LARGE2: variants seen among roughly 807,000 people sequenced by gnomAD.
The protein encoded by LARGE2 is xylosyl- and glucuronyltransferase LARGE2.
LARGE2 carries 63 observed loss-of-function variants against 75.3 expected under a neutral mutation model. The ratio of observed to expected loss-of-function variants is 0.84; its 90% confidence interval spans 0.68 to 1.03. LARGE2 has a LOEUF of 1.03. LARGE2 is among the 50% of genes least tolerant of loss of function. LARGE2 has a pLI of 0.00. For missense variants in LARGE2, 925 were observed against 980.6 expected, an observed-to-expected ratio of 0.94 and a Z score of 0.76; for synonymous variants, 428 against 420.1, an observed-to-expected ratio of 1.02 and a Z score of -0.23.
At position 45,928,201 on chromosome 11, in the gene LARGE2, C is replaced by T. The variant is rs199608629; in HGVS notation, c.1779C>T (p.His593=). The T allele has an allele frequency of 1.9e-4, 299 of 1,613,702 alleles. No individual in the cohort carries two copies. The highest frequency in any genetic ancestry group is 2.0e-4 in the Non-Finnish European group (235 of 1,180,020). ...GGTACCACGAGTGGCCCCGAGGCCA[C>T]GCACCCACAGACTATGCCCGCTGGC... is the stretch of plus-strand genomic sequence containing the variant. ...TFRYHEWPRG[H]APTDYARWRE... is the part of the protein sequence containing the mutation. The change falls in exon 13 of 14, where the codon CAC becomes CAT. Residue 593 remains histidine, a synonymous_variant. Coordinates refer to ENST00000401752, the MANE Select transcript of LARGE2 (RefSeq NM_001300721.2).
chr11:45,926,869 C>T lies in LARGE2; in HGVS notation c.1323C>T (p.Asp441=). 1 of 1,609,206 alleles carries T rather than the reference C, an allele frequency of 6.2e-7. No individual in the cohort carries two copies. The highest frequency in any genetic ancestry group is 8.5e-7 in the Non-Finnish European group (1 of 1,178,560). ...CCCTTGTGGCCCAGCTGTCCATGGA[C>T]CGGTGAGGGTGCAGAGGGCAGCCCA... The part of the protein sequence containing the change: ...DVTLVAQLSM[D]RLQMLEALCR... The change falls in exon 10 of 14, where the codon GAC becomes GAT. Residue 441 remains aspartate (D), a splice_region_variant and synonymous_variant. Coordinates refer to ENST00000401752, the MANE Select transcript of LARGE2 (RefSeq NM_001300721.2).
In LARGE2 at chr11:45,927,390, A is replaced by G. The variant is rs755082386; in HGVS notation, c.1401A>G (p.Glu467=). The change falls in exon 11 of 14, where the codon GAA becomes GAG. Residue 467 remains glutamate (E), a synonymous_variant. Transcript: ENST00000401752. ...TGGCCTTGTACCTGACAGACGCAGA[A>G]GCTCAGCAGTTCCTGCATTTCGTCG... ...MSLALYLTDA[E]AQQFLHFVEA... 1 of 1,614,112 alleles carries G rather than the reference A, an allele frequency of 6.2e-7. No homozygotes were observed. The highest frequency in any genetic ancestry group is 1.1e-5 in the South Asian group (1 of 91,090).
intron 2 of LARGE2, 22 bp downstream of exon 2, chr11:45,923,189 G>A (rs985274504): frequency 9.1e-6 from 12 of 1,325,510 alleles, no homozygotes; most frequent in Non-Finnish European, 1.1e-5. Context: ...CGGCCCTGGC[G>A]GCGGGAGTCC....
chr11:45,926,189 G>T, intron 7 of LARGE2, 33 bp from the exon 8 acceptor site: 1 of 1,611,244 alleles, frequency 6.2e-7, no homozygotes. Flanking sequence ...GTGGCAGGCT[G>T]GGGGCTGGGA....
At position 45,926,291 on chromosome 11, in the gene LARGE2, C is replaced by G; in HGVS notation, c.952C>G (p.Gln318Glu). Residue 318 changes from glutamine to glutamate, a missense_variant, in exon 8 of 14, where the codon CAG (glutamine) becomes GAG (glutamate). Coordinates refer to ENST00000401752, the MANE Select transcript of LARGE2 (RefSeq NM_001300721.2). The part of the protein sequence containing the change: ...VQRLPCVWNV[Q>E]LSDHTLAERC... ...GCGTCTGCCTTGTGTCTGGAATGTG[C>G]AGCTGTCAGATCACACACTGGCCGA... 1 of 1,614,202 alleles carries G rather than the reference C, an allele frequency of 6.2e-7. No individual in the cohort carries two copies. Among genetic ancestry groups the G allele is most frequent in the Non-Finnish European group, 8.5e-7 (1 of 1,180,042 alleles).
At chr11:45,922,202 A>T (rs1288091711), upstream of LARGE2, among the ~76,000 whole-genome samples, 1 of 152,044 alleles carries the variant, frequency 6.6e-6, no homozygotes, top group Non-Finnish European at 1.5e-5. Flanking sequence ...CGAAGGCTTC[A>T]GGTGCTCCGC....
intron 13 of LARGE2, 89 bp from the exon 14 acceptor site, chr11:45,928,541 G>A: frequency 1.3e-6 from 2 of 1,551,054 alleles, no homozygotes; most frequent in Non-Finnish European, 1.7e-6. Context: ...GCTCTCAGGG[G>A]CTACAGGGTA....
intron 3 of LARGE2, among the ~76,000 whole-genome samples, chr11:45,923,854 C>A (rs1455007629): frequency 6.6e-6 from 1 of 150,436 alleles, no homozygotes; most frequent in African/African-American, 2.4e-5. Context: ...GGCGTAGTGG[C>A]GGGCGCCTGT....
chr11:45,928,393 C>T lies in LARGE2; in HGVS notation c.1950+21C>T, dbSNP rs767734151. 4 of 1,608,616 alleles carry T rather than the reference C, an allele frequency of 2.5e-6. No individual in the cohort carries two copies. The South Asian group carries it at 3.3e-5, about 13-fold the overall frequency. ...CCCAGGTGAGGAGGGCACCTTGCTG[C>T]CTCCACCTTTGACTCGAGCACCTCC... On this transcript the variant is annotated intron_variant, in intron 13 of 13. Coordinates refer to ENST00000401752, the MANE Select transcript of LARGE2 (RefSeq NM_001300721.2).
In LARGE2 at chr11:45,923,510, C is replaced by G; in HGVS notation, c.323C>G (p.Ser108Cys). The change falls in exon 3 of 14, where the codon TCC (serine) becomes TGC (cysteine). Residue 108 changes from serine to cysteine, a missense_variant. By Grantham distance (112) the Ser-to-Cys change is moderately radical. Coordinates refer to ENST00000401752, the MANE Select transcript of LARGE2 (RefSeq NM_001300721.2). The part of the protein sequence containing the change: ...HVAIVCAGHN[S>C]SRDVITLVKS... Reference sequence around the variant, plus strand: ...GCCATCGTGTGTGCGGGGCATAACTCCAGCCGAGACGTCATCACCCTGGTG... The same window carrying G: ...GCCATCGTGTGTGCGGGGCATAACTGCAGCCGAGACGTCATCACCCTGGTG... The G allele has an allele frequency of 1.2e-6, 2 of 1,613,978 alleles. No homozygotes were observed. Among genetic ancestry groups the G allele is most frequent in the South Asian group, 2.2e-5 (2 of 91,078 alleles).
rs757357535 is a variant in LARGE2 at position 45,927,506 on chromosome 11, A to G, written c.1517A>G (p.Asn506Ser). The part of the protein sequence containing the change: ...GPLYPVNQLR[N>S]VALAQALTPY... ...CTATACCCCGTCAACCAGCTTCGCA[A>G]CGTGGCCTTGGCCCAGGCCCTCACG... Residue 506 changes from asparagine (N) to serine (S), a missense_variant, in exon 11 of 14, where the codon AAC (asparagine) becomes AGC (serine). By Grantham distance (46) the Asn-to-Ser change is conservative. Coordinates refer to ENST00000401752, the MANE Select transcript of LARGE2 (RefSeq NM_001300721.2). The G allele has an allele frequency of 2.5e-6, 4 of 1,614,234 alleles. No homozygotes were observed. The Admixed American group carries it at 6.7e-5, about 27-fold the overall frequency.
At position 45,928,042 on chromosome 11, in the gene LARGE2, T is replaced by C; in HGVS notation, c.1727T>C (p.Leu576Pro). 2 of 1,613,970 alleles carry C rather than the reference T, an allele frequency of 1.2e-6. No homozygotes were observed. The highest frequency in any genetic ancestry group is 1.7e-6 in the Non-Finnish European group (2 of 1,180,024). ...TCCAAGGTGGAGCTGTTGGCCTTGC[T>C]GGATGCGGGCACTCTCTACACCTTC... ...PHSKVELLAL[L>P]DAGTLYTFRY... Residue 576 changes from leucine to proline, a missense_variant, in exon 12 of 14, where the codon CTG (leucine) becomes CCG (proline). This residue lies in a region of LARGE2 where 469 missense variants were observed against 503.8 expected (regional missense o/e 0.93). Transcript: ENST00000401752.
chr11:45,926,504 C>A lies in LARGE2; in HGVS notation c.1071C>A (p.Arg357=). 1 of 1,614,134 alleles carries A rather than the reference C, an allele frequency of 6.2e-7. No individual in the cohort carries two copies. The part of the protein sequence containing the change: ...RVKNKHVEFF[R]NFYLTFLEYD... ...AGAACAAGCATGTGGAATTCTTCCGCAATTTCTACCTGACCTTCCTGGAGT... is the reference window on the plus strand; with the variant it reads ...AGAACAAGCATGTGGAATTCTTCCGAAATTTCTACCTGACCTTCCTGGAGT... Residue 357 remains arginine, a synonymous_variant, in exon 9 of 14, where the codon CGC becomes CGA. Coordinates refer to ENST00000401752, the MANE Select transcript of LARGE2 (RefSeq NM_001300721.2).
Position 45,924,205 on chromosome 11 carries a change from C to G in LARGE2, c.420C>G (p.Ile140Met). 6.2e-7 allele frequency: 1 copy of G among 1,613,442 alleles called. No homozygotes were observed. Among genetic ancestry groups the G allele is most frequent in the Non-Finnish European group, 8.5e-7 (1 of 1,180,006 alleles). The part of the protein sequence containing the change: ...HLVTDAVARN[I>M]LETLFHTWMV... ...TGACTGACGCCGTGGCCAGAAACAT[C>G]CTGGAGACGCTCTTCCACACATGGA... Residue 140 changes from isoleucine to methionine, a missense_variant, in exon 4 of 14, where the codon ATC becomes ATG. Ile to Met is a conservative substitution (Grantham distance 10, BLOSUM62 1). This residue lies in a region of LARGE2 where 453 missense variants were observed against 460.2 expected (regional missense o/e 0.98). Coordinates refer to ENST00000401752, the MANE Select transcript of LARGE2 (RefSeq NM_001300721.2).
Position 45,926,300 on chromosome 11 carries a change from G to C in LARGE2, c.961G>C (p.Asp321His), listed in dbSNP as rs772507195. Residue 321 changes from aspartate to histidine, a missense_variant, in exon 8 of 14, where the codon GAT (aspartate) becomes CAT (histidine). Physicochemically the swap from Asp to His is moderately conservative, Grantham distance 81. Coordinates refer to ENST00000401752, the MANE Select transcript of LARGE2 (RefSeq NM_001300721.2). ...TTGTGTCTGGAATGTGCAGCTGTCA[G>C]ATCACACACTGGCCGAGCGCTGCTA... Reference protein sequence around the residue: ...LPCVWNVQLSDHTLAERCYSE... With the variant: ...LPCVWNVQLSHHTLAERCYSE... 2.8e-5 allele frequency: 46 copies of C among 1,614,200 alleles called. No individual in the cohort carries two copies. The highest frequency in any genetic ancestry group is 1.2e-4 in the Admixed American group (7 of 60,026).
chr11:45,926,023 A>C lies in LARGE2; in HGVS notation c.770-16A>C. On this transcript the variant is annotated splice_polypyrimidine_tract_variant and intron_variant, in intron 6 of 13. Transcript: ENST00000401752. ...GGTCGTCCCAGGTGGGCATGACAGC[A>C]TCTCTTCATTGGCAGGTGTGATCCT... is the stretch of plus-strand genomic sequence containing the variant. 1.3e-6 allele frequency: 2 copies of C among 1,547,552 alleles called. No individual in the cohort carries two copies. The highest frequency in any genetic ancestry group is 1.7e-6 in the Non-Finnish European group (2 of 1,143,188).
At chr11:45,927,893 C>G (rs1418489556) in intron 11 of LARGE2, 27 bp from the exon 12 acceptor site, 1 of 1,611,034 alleles carries the variant, frequency 6.2e-7, no homozygotes, top group African/African-American at 1.3e-5. Context: ...CCGCTCTTCT[C>G]CCCTGCTCAT....
Position 45,924,786 on chromosome 11 carries a change from C to T in LARGE2, c.666C>T (p.Asp222=). 6.7e-7 allele frequency: 1 copy of T among 1,503,484 alleles called. No homozygotes were observed. Among genetic ancestry groups the T allele is most frequent in the Non-Finnish European group, 8.9e-7 (1 of 1,122,818 alleles). The allele number at this position is 1,503,484 out of a possible 1,614,324, so 93.1% of individuals were successfully genotyped here. A position where few individuals can be genotyped will look rare whatever the true frequency, so the allele number is the denominator to read the frequency against. ...CTCCCTTATGCCCTCCCCTCCCAGA[C>T]ACGCAGGCGATCGGTCTTGTGGAGA... The part of the protein sequence containing the change: ...ELWALFAHFS[D]TQAIGLVENQ... The change falls in exon 6 of 14, where the codon GAC becomes GAT. Residue 222 remains aspartate, a splice_region_variant and synonymous_variant. Transcript: ENST00000401752.
At position 45,923,469 on chromosome 11, in the gene LARGE2, C is replaced by G. The variant is rs370917967; in HGVS notation, c.286-4C>G. 9 of 1,613,308 alleles carry G rather than the reference C, an allele frequency of 5.6e-6. No individual in the cohort carries two copies. Among genetic ancestry groups the G allele is most frequent in the Non-Finnish European group, 7.6e-6 (9 of 1,179,862 alleles). On this transcript the variant is annotated splice_region_variant and splice_polypyrimidine_tract_variant and intron_variant, in intron 2 of 13. Transcript: ENST00000401752. ...CTGCTGCCGACCTGGGCGTCCCTCC[C>G]CAGCTCTTGCATGTGGCCATCGTGT...
Sources: gnomAD v4.1 joint callset for allele counts (sites outside exome capture counted in the v4.1 genomes callset) on GRCh38, gnomAD v4.1.1 for gene constraint, gnomAD v4.1.1 regional missense constraint, MANE v1.5 for transcripts, NCBI Gene and HGNC (gene_info 2026-07-23, HGNC 2026-07-21) for gene names.